ST18: variants seen among roughly 807,000 people sequenced by gnomAD.
ST18 encodes suppression of tumorigenicity 18 protein.
A neutral mutation model predicts 110.0 loss-of-function variants in ST18; 50 were observed. The observed-to-expected ratio is 0.45, with a 90% CI of 0.36 to 0.58. The LOEUF (loss-of-function observed/expected upper bound fraction) is 0.58, where lower values mean the gene tolerates loss of function less well. Ranked by LOEUF, ST18 falls within the 20% of genes least tolerant of loss-of-function variation. The pLI is 0.00. For synonymous variants in ST18, 461 were observed against 452.4 expected, an observed-to-expected ratio of 1.02 and a Z score of -0.24; for missense variants, 1,306 against 1,280.1, an observed-to-expected ratio of 1.02 and a Z score of -0.31.
chr8:52,167,134 A>G (rs1188382482), intron 10 of ST18, 148 bp from the exon 11 acceptor site: 2 of 1,111,920 alleles, frequency 1.8e-6, no homozygotes, highest in East Asian at 2.5e-5. Flanking sequence ...AAGACCCTCA[A>G]CTAAGACCTG....
At chr8:52,212,697 C>T (rs1008071803) in intron 7 of ST18, among the ~76,000 whole-genome samples, 2 of 152,084 alleles carry the variant, frequency 1.3e-5, no homozygotes, top group African/African-American at 4.8e-5. Context: ...AAATACCTGC[C>T]TACACAAGGA....
chr8:52,189,074 C>T (rs1173656531), intron 8 of ST18, among the ~76,000 whole-genome samples: 1 of 152,078 alleles, frequency 6.6e-6, no homozygotes, highest in Non-Finnish European at 1.5e-5. Context: ...AAAATTAGTC[C>T]CCTTCTCCCT....
chr8:52,298,440 A>C (rs985994941), intron 2 of ST18, among the ~76,000 whole-genome samples: 1 of 152,366 alleles, frequency 6.6e-6, no homozygotes, highest in East Asian at 1.9e-4. Flanking sequence ...GGATCAGACA[A>C]TTAGCATCAA....
chr8:52,150,420 A>G (rs1276457438), intron 15 of ST18, among the ~76,000 whole-genome samples: 1 of 152,250 alleles, frequency 6.6e-6, no homozygotes, highest in East Asian at 1.9e-4. Flanking sequence ...GGCATGTATA[A>G]CTTTCCAACC....
rs1339782785 is a variant in ST18, at chr8:52,126,064, T to G, written c.2743A>C (p.Lys915Gln). 1.6e-5 allele frequency: 26 copies of G among 1,614,146 alleles called. No homozygotes were observed. Among genetic ancestry groups the G allele is most frequent in the Non-Finnish European group, 2.1e-5 (25 of 1,179,994 alleles). Residue 915 changes from lysine (K) to glutamine (Q), a missense_variant, in exon 23 of 26, where the codon AAA becomes CAA. Transcript: ENST00000689386. ...VSEELMTIKL[K>Q]ATGGIESDEE... The stretch of plus-strand genomic sequence containing the variant: ...CCTGTGCTCTTACCCCCAGTTGCTT[T>G]GAGCTTGATGGTCATGAGTTCTTCA...
intron 9 of ST18, among the ~76,000 whole-genome samples, chr8:52,172,875 C>T (rs1241094863): frequency 6.6e-6 from 1 of 152,110 alleles, no homozygotes; most frequent in Non-Finnish European, 1.5e-5. Flanking sequence ...GAGGTAAGTA[C>T]TTCTGGGGTA....
intron 2 of ST18, among the ~76,000 whole-genome samples, chr8:52,387,083 C>G (rs2140922989): frequency 6.6e-6 from 1 of 151,918 alleles, no homozygotes; most frequent in South Asian, 2.1e-4. Flanking sequence ...TCCTTCCTTC[C>G]TTTCCTTTCC....
Position 52,143,012 on chromosome 8 carries a change from C to G in ST18, c.2086G>C (p.Glu696Gln), listed in dbSNP as rs746191162. The change falls in exon 17 of 26, where the codon GAA (glutamate) becomes CAA (glutamine). Residue 696 changes from glutamate (E) to glutamine (Q), a missense_variant. Coordinates refer to ENST00000689386, the MANE Select transcript of ST18 (RefSeq NM_001352837.2). ...GAGGCCTCTCCAGGAAACTTTTTTT[C>G]CTCTAAATTTTCTAGAGAGCTCACT... ...DPVSSLENLE[E>Q]KKFPGEASIP... 1 of 1,613,716 alleles carries G rather than the reference C, an allele frequency of 6.2e-7. No individual in the cohort carries two copies. Among genetic ancestry groups the G allele is most frequent in the South Asian group, 1.1e-5 (1 of 91,042 alleles).
chr8:52,288,418 A>G (rs2095502398), intron 2 of ST18, among the ~76,000 whole-genome samples: 1 of 152,192 alleles, frequency 6.6e-6, no homozygotes, highest in South Asian at 2.1e-4. Flanking sequence ...GAGTATTAAT[A>G]GGCTGGGCAT....
chr8:52,130,147 G>GAAAGAAAGAAAGAA (rs1563564029), intron 22 of ST18, among the ~76,000 whole-genome samples: 1 of 150,438 alleles, frequency 6.6e-6, no homozygotes, highest in East Asian at 1.9e-4. Flanking sequence ...AAGAAAGAAA[G>GAAAGAAAGAAAGAA]AAAGAAAGAA....
chr8:52,388,270 C>T (rs997561487), intron 2 of ST18, among the ~76,000 whole-genome samples: 4 of 151,908 alleles, frequency 2.6e-5, no homozygotes, highest in East Asian at 2.0e-4. Flanking sequence ...CAGCGCGCTC[C>T]GAGCACACCT....
chr8:52,318,952 G>A (rs2096076163), intron 2 of ST18, among the ~76,000 whole-genome samples: 1 of 151,996 alleles, frequency 6.6e-6, no homozygotes, highest in Non-Finnish European at 1.5e-5. Context: ...AGAGGGAGAG[G>A]ATCGGGAAGA....
intron 16 of ST18, among the ~76,000 whole-genome samples, chr8:52,146,117 A>G (rs2057173076): frequency 1.3e-5 from 2 of 152,140 alleles, no homozygotes; most frequent in African/African-American, 4.8e-5. Flanking sequence ...TGGCAAAGGG[A>G]AAGACGTGGG....
intron 9 of ST18, among the ~76,000 whole-genome samples, chr8:52,174,084 A>G (rs1163046364): frequency 6.6e-6 from 1 of 152,196 alleles, no homozygotes; most frequent in African/African-American, 2.4e-5. Context: ...AGCCCCTGTA[A>G]ATAATGCTGA....
At chr8:52,373,000 C>G (rs1324263425) in intron 2 of ST18, among the ~76,000 whole-genome samples, 1 of 152,184 alleles carries the variant, frequency 6.6e-6, no homozygotes, top group East Asian at 1.9e-4. Context: ...TCTTAAAACT[C>G]CCTTCAGCAG....
chr8:52,317,098 C>T (rs149406828), intron 2 of ST18, among the ~76,000 whole-genome samples: 131 of 152,052 alleles, frequency 8.6e-4, no homozygotes, highest in African/African-American at 3.1e-3. Flanking sequence ...TTTTCAAAAC[C>T]ATCTTTTGAC....
intron 2 of ST18, among the ~76,000 whole-genome samples, chr8:52,395,913 T>C (rs1252488945): frequency 1.3e-5 from 2 of 152,240 alleles, no homozygotes; most frequent in Non-Finnish European, 2.9e-5. Context: ...GATATGTTTA[T>C]GGAAATTGAA....
At chr8:52,197,684 A>AGTGGGTAAGAT (rs2076595119) in intron 8 of ST18, among the ~76,000 whole-genome samples, 1 of 152,184 alleles carries the variant, frequency 6.6e-6, no homozygotes, top group East Asian at 1.9e-4. Flanking sequence ...AGTGAGAAAG[A>AGTGGGTAAGAT]GTGGGTAAGA....
At chr8:52,376,443 A>G (rs181095829) in intron 2 of ST18, among the ~76,000 whole-genome samples, 3 of 152,144 alleles carry the variant, frequency 2.0e-5, no homozygotes, top group Admixed American at 2.0e-4. Flanking sequence ...TCTTTGTGCA[A>G]ACCTCACCTT....
Sources: gnomAD v4.1 joint callset for allele counts (sites outside exome capture counted in the v4.1 genomes callset) on GRCh38, gnomAD v4.1.1 for gene constraint, MANE v1.5 for transcripts, NCBI Gene and HGNC (gene_info 2026-07-23, HGNC 2026-07-21) for gene names.